The following SH2B2 variants were observed in gnomAD, a reference collection of about 807,000 sequenced individuals.
SH2B2 encodes the protein SH2B adaptor protein 2, also known as SH2B adapter protein 2.
SH2B2 carries 37 observed loss-of-function variants against 35.7 expected under a neutral mutation model. That is an observed-to-expected ratio of 1.04 (90% CI 0.80 to 1.36). SH2B2 has a LOEUF of 1.36. Among genes scored for constraint, SH2B2 ranks in the 40% most tolerant of loss-of-function variants. The probability of loss-of-function intolerance (pLI) is 0.00; values close to 1 mark genes in which losing one functional copy is unlikely to be tolerated. For synonymous variants in SH2B2, 383 were observed against 376.4 expected (o/e 1.02, Z -0.20); for missense variants, 852 against 817.7 (o/e 1.04, Z -0.51).
intron 7 of SH2B2, among the ~76,000 whole-genome samples, 156 bp from the exon 8 acceptor site, chr7:102,320,175 C>T (rs1793998175): frequency 6.6e-6 from 1 of 152,124 alleles, no homozygotes; most frequent in Admixed American, 6.5e-5. Flanking sequence ...CCCCCATTCC[C>T]CATCTCCAGA....
At chr7:102,289,831 G>C (rs1253544013) in intron 1 of SH2B2, among the ~76,000 whole-genome samples, 1 of 151,986 alleles carries the variant, frequency 6.6e-6, no homozygotes, top group African/African-American at 2.4e-5. Flanking sequence ...GAGATGGGAG[G>C]GGGGAACCTC....
intron 1 of SH2B2, among the ~76,000 whole-genome samples, chr7:102,295,308 G>T (rs1255149808): frequency 6.6e-6 from 1 of 152,172 alleles, no homozygotes; most frequent in Non-Finnish European, 1.5e-5. Context: ...GGGTCCTAAT[G>T]GTATAGAGAG....
upstream of SH2B2, among the ~76,000 whole-genome samples, chr7:102,286,293 C>T (rs1270446264): frequency 6.6e-6 from 1 of 152,090 alleles, no homozygotes; most frequent in African/African-American, 2.4e-5. Context: ...CGTGGTGGCG[C>T]CCTCGAGATT....
rs782283676 is a variant in SH2B2, at chr7:102,306,740, G to A, written c.749G>A (p.Ser250Asn). ...VPPKASRPKVSIPLSAIIEVR... is the reference protein window; with the variant it reads ...VPPKASRPKVNIPLSAIIEVR... ...CCCCAGGCCTCCAGGCCCAAGGTCA[G>A]CATCCCACTGTCAGCCATCATTGAG... The change falls in exon 3 of 9, where the codon AGC becomes AAC. Residue 250 changes from serine (S) to asparagine (N), a missense_variant. Ser to Asn is a conservative substitution (Grantham distance 46). Coordinates refer to ENST00000444095, the MANE Select transcript of SH2B2 (RefSeq NM_001359228.2). 2 of 1,597,452 alleles carry A rather than the reference G, an allele frequency of 1.3e-6. No homozygotes were observed. The highest frequency in any genetic ancestry group is 1.7e-6 in the Non-Finnish European group (2 of 1,172,326).
chr7:102,306,917 G>A, intron 3 of SH2B2, 95 bp downstream of exon 3: 1 of 987,210 alleles, frequency 1.0e-6, no homozygotes. Flanking sequence ...AGGGGAAGGA[G>A]CCTAAGGCAG....
At position 102,308,797 on chromosome 7, in the gene SH2B2, G is replaced by A. The variant is rs781958121; in HGVS notation, c.832-18G>A. ...TCTGCTGACCGTGTTCTGCACTCCC[G>A]GCCACCTTCCTCCCCAGGTAGAGAA... is the stretch of plus-strand genomic sequence containing the variant. On this transcript the variant is annotated intron_variant, in intron 3 of 8. Coordinates refer to ENST00000444095, the MANE Select transcript of SH2B2 (RefSeq NM_001359228.2). 5.6e-6 allele frequency: 9 copies of A among 1,607,748 alleles called. No individual in the cohort carries two copies. Among genetic ancestry groups the A allele is most frequent in the South Asian group, 1.1e-5 (1 of 91,000 alleles).
Position 102,300,634 on chromosome 7 carries a change from G to C in SH2B2, c.84G>C (p.Glu28Asp). 1 of 1,550,160 alleles carries C rather than the reference G, an allele frequency of 6.5e-7. No individual in the cohort carries two copies. Among genetic ancestry groups the C allele is most frequent in the Non-Finnish European group, 8.7e-7 (1 of 1,145,758 alleles). The change falls in exon 2 of 9, where the codon GAG (glutamate) becomes GAC (aspartate). Residue 28 changes from glutamate to aspartate, a missense_variant. Transcript: ENST00000444095. ...TCCCGGACTGGCGGCAGTTCTGCGA[G>C]CTGCATGCGCAGGCGGCCGCCGTGG... Reference protein sequence around the residue: ...VPVPDWRQFCELHAQAAAVDF... With the variant: ...VPVPDWRQFCDLHAQAAAVDF...
intron 6 of SH2B2, among the ~76,000 whole-genome samples, chr7:102,316,206 G>A (rs1399855412): frequency 6.6e-6 from 1 of 152,166 alleles, no homozygotes; most frequent in Non-Finnish European, 1.5e-5. Flanking sequence ...GAGCCCAGGA[G>A]GCCAAGGCTG....
chr7:102,299,196 G>GTTTTTTTTTTTTTTTTTTTTTT (rs1793046884), intron 1 of SH2B2, among the ~76,000 whole-genome samples: 4 of 29,132 alleles, frequency 1.4e-4, no homozygotes, highest in Admixed American at 5.0e-4. Context: ...ACCGCGCCTG[G>GTTTTTTTTTTTTTTTTTTTTTT]CTTTTTTTTT....
intron 2 of SH2B2, 98 bp downstream of exon 2, chr7:102,301,377 T>C: frequency 7.3e-7 from 1 of 1,373,488 alleles, no homozygotes; most frequent in South Asian, 1.5e-5. Flanking sequence ...GACCGCGTGG[T>C]CTAATCTGGT....
Position 102,321,674 on chromosome 7 carries a change from A to G in SH2B2, c.*44A>G. 9.1e-7 allele frequency: 1 copy of G among 1,097,910 alleles called. No individual in the cohort carries two copies. The highest frequency in any genetic ancestry group is 5.1e-5 in the East Asian group (1 of 19,548). The allele number at this position is 1,097,910 out of a possible 1,614,324, so 68.0% of individuals were successfully genotyped here. Reference sequence around the variant, plus strand: ...TGGGACACGCCAAGCTCTTCAGTGAAGACACGATGTTATTAAAAGCCTGTT... The same window carrying G: ...TGGGACACGCCAAGCTCTTCAGTGAGGACACGATGTTATTAAAAGCCTGTT... On this transcript the variant is annotated 3_prime_UTR_variant, in exon 9 of 9. Transcript: ENST00000444095.
In SH2B2 at chr7:102,321,582, C is replaced by G; in HGVS notation, c.1851C>G (p.Ala617=). The G allele has an allele frequency of 8.6e-7, 1 of 1,158,530 alleles. No homozygotes were observed. Among genetic ancestry groups the G allele is most frequent in the Non-Finnish European group, 1.1e-6 (1 of 942,200 alleles). The allele number at this position is 1,158,530 out of a possible 1,614,324, so 71.8% of individuals were successfully genotyped here. A position where few individuals can be genotyped will look rare whatever the true frequency, so the allele number is the denominator to read the frequency against. The change falls in exon 9 of 9, where the codon GCC becomes GCG. Residue 617 remains alanine, a synonymous_variant. Transcript: ENST00000444095. ...AATAAEEPPE[A]APGRARAVEN... is the part of the protein sequence containing the mutation. Reference sequence around the variant, plus strand: ...CCGCCGCCGAGGAGCCCCCGGAGGCCGCGCCCGGCCGCGCGCGCGCCGTGG... The same window carrying G: ...CCGCCGCCGAGGAGCCCCCGGAGGCGGCGCCCGGCCGCGCGCGCGCCGTGG...
At chr7:102,312,845 C>T (rs1008338370) in intron 4 of SH2B2, among the ~76,000 whole-genome samples, 39 of 152,170 alleles carry the variant, frequency 2.6e-4, no homozygotes, top group Admixed American at 2.4e-3. Flanking sequence ...ATGAGATTCT[C>T]AGGGCCGGGC....
In SH2B2 at chr7:102,321,593, G is replaced by A. The variant is rs1326330472; in HGVS notation, c.1862G>A (p.Arg621His). The A allele has an allele frequency of 3.5e-6, 4 of 1,144,686 alleles. No individual in the cohort carries two copies. The highest frequency in any genetic ancestry group is 8.8e-5 in the East Asian group (2 of 22,766). The allele number at this position is 1,144,686 out of a possible 1,614,324, so 70.9% of individuals were successfully genotyped here. A position where few individuals can be genotyped will look rare whatever the true frequency, so the allele number is the denominator to read the frequency against. The stretch of plus-strand genomic sequence containing the variant: ...GAGCCCCCGGAGGCCGCGCCCGGCC[G>A]CGCGCGCGCCGTGGAGAACCAGTAC... ...AEEPPEAAPG[R>H]ARAVENQYSF... Residue 621 changes from arginine (R) to histidine (H), a missense_variant, in exon 9 of 9, where the codon CGC (arginine) becomes CAC (histidine). By Grantham distance (29) the Arg-to-His change is conservative. This residue lies in a region of SH2B2 where 556 missense variants were observed against 514.5 expected (regional missense o/e 1.08). Coordinates refer to ENST00000444095, the MANE Select transcript of SH2B2 (RefSeq NM_001359228.2).
At chr7:102,288,455 G>C (rs958905054) in intron 1 of SH2B2, among the ~76,000 whole-genome samples, 1 of 152,148 alleles carries the variant, frequency 6.6e-6, no homozygotes, top group African/African-American at 2.4e-5. Flanking sequence ...GTGGCAGGCC[G>C]GCTTCTGATG....
chr7:102,309,874 A>C (rs1554555714), intron 4 of SH2B2, among the ~76,000 whole-genome samples: 1 of 152,164 alleles, frequency 6.6e-6, no homozygotes, highest in African/African-American at 2.4e-5. Context: ...GCACGGTGGC[A>C]TGCATCTGTT....
intron 4 of SH2B2, among the ~76,000 whole-genome samples, chr7:102,311,463 C>G (rs1035453026): frequency 4.0e-5 from 6 of 151,806 alleles, no homozygotes; most frequent in Middle Eastern, 3.4e-3. Flanking sequence ...CCATGGTGGT[C>G]AGGCTCGTCT....
chr7:102,287,328 G>A (rs1025906144), intron 1 of SH2B2, among the ~76,000 whole-genome samples: 2 of 152,106 alleles, frequency 1.3e-5, no homozygotes, highest in Admixed American at 6.5e-5. Flanking sequence ...GGCGGGGCGG[G>A]GAGCCGCTGG....
chr7:102,306,629 T>C (rs1793409015), intron 2 of SH2B2, 92 bp from the exon 3 acceptor site: 1 of 889,802 alleles, frequency 1.1e-6, no homozygotes, highest in South Asian at 1.4e-5. Flanking sequence ...GCAGTCTATT[T>C]GAGGGCCACT....
Sources: allele counts gnomAD v4.1 joint callset (sites outside exome capture counted in the v4.1 genomes callset), GRCh38; gene constraint gnomAD v4.1.1; regional missense constraint gnomAD v4.1.1; transcripts MANE v1.5; gene names NCBI Gene and HGNC (gene_info 2026-07-23, HGNC 2026-07-21).